Variants in RANBP17 observed in about 807,000 individuals in gnomAD.
RANBP17 encodes RAN binding protein 17.
RANBP17 carries 158 observed loss-of-function variants against 141.2 expected under a neutral mutation model. That is an observed-to-expected ratio of 1.12 (90% CI 0.98 to 1.28). The LOEUF (loss-of-function observed/expected upper bound fraction) is 1.28, where lower values mean the gene tolerates loss of function less well. RANBP17 is among the 50% of genes most tolerant of loss of function. The probability of loss-of-function intolerance (pLI) is 0.00; values close to 1 mark genes in which losing one functional copy is unlikely to be tolerated. For synonymous variants in RANBP17, 430 were observed against 450.0 expected (o/e 0.96, Z 0.56); for missense variants, 1,438 against 1,290.7 (o/e 1.11, Z -1.75).
chr5:171,024,108 G>C (rs1781074564), intron 14 of RANBP17, among the ~76,000 whole-genome samples: 1 of 152,086 alleles, frequency 6.6e-6, no homozygotes, highest in Admixed American at 6.5e-5. Context: ...TATAGGCTTG[G>C]TCTCTAGTGT....
chr5:170,995,627 G>A (rs1315830600), intron 14 of RANBP17, among the ~76,000 whole-genome samples: 3 of 152,102 alleles, frequency 2.0e-5, no homozygotes, highest in African/African-American at 7.2e-5. Context: ...GCCATATGAT[G>A]AAATATGAGG....
chr5:171,186,288 G>A (rs936013590), intron 18 of RANBP17, among the ~76,000 whole-genome samples: 1 of 152,156 alleles, frequency 6.6e-6, no homozygotes, highest in Admixed American at 6.5e-5. Context: ...TTTCATCAAT[G>A]GTCTTAGCTA....
chr5:170,917,054 A>G (rs1772036976), intron 9 of RANBP17, among the ~76,000 whole-genome samples: 1 of 152,144 alleles, frequency 6.6e-6, no homozygotes, highest in Non-Finnish European at 1.5e-5. Flanking sequence ...TAGTTTTTAA[A>G]AATGGATGTT....
chr5:171,238,027 T>C (rs529282134), intron 22 of RANBP17, among the ~76,000 whole-genome samples: 2 of 152,320 alleles, frequency 1.3e-5, no homozygotes, highest in Non-Finnish European at 2.9e-5. Flanking sequence ...ATGGATAACA[T>C]GGCCAAGCCT....
intron 14 of RANBP17, among the ~76,000 whole-genome samples, chr5:171,152,373 C>CGT: frequency 6.7e-6 from 1 of 150,084 alleles, no homozygotes. Flanking sequence ...GAGCTGAGAT[C>CGT]GCTATTGCAC....
intron 22 of RANBP17, among the ~76,000 whole-genome samples, chr5:171,223,495 C>T (rs527792079): frequency 3.3e-5 from 5 of 152,134 alleles, no homozygotes; most frequent in African/African-American, 9.6e-5. Context: ...ATTAGCCAGG[C>T]GTGGTGGCGG....
At chr5:171,263,786 G>A (rs545594179) in intron 24 of RANBP17, among the ~76,000 whole-genome samples, 151 of 152,252 alleles carry the variant, frequency 9.9e-4, no homozygotes, top group African/African-American at 3.3e-3. Context: ...TTTTAGCCTG[G>A]GCATGGTAGC....
intron 18 of RANBP17, among the ~76,000 whole-genome samples, chr5:171,187,431 C>CT (rs1212834623): frequency 6.6e-6 from 1 of 150,382 alleles, no homozygotes; most frequent in Non-Finnish European, 1.5e-5. Flanking sequence ...TGCCACAAAT[C>CT]TTTAATTTGT....
chr5:171,283,776 TAAACTC>T (rs1767996135), intron 25 of RANBP17, among the ~76,000 whole-genome samples: 1 of 152,216 alleles, frequency 6.6e-6, no homozygotes, highest in Admixed American at 6.5e-5. Context: ...TATTCAGTAA[TAAACTC>T]TAACTGAGGC....
intron 5 of RANBP17, chr5:170,896,905 G>T: frequency 1.6e-6 from 1 of 616,310 alleles, no homozygotes; most frequent in Non-Finnish European, 3.0e-6. Context: ...GCTCACAAGC[G>T]CCCCCAGCTG....
intron 9 of RANBP17, among the ~76,000 whole-genome samples, chr5:170,917,558 T>C (rs1045761056): frequency 8.5e-5 from 13 of 152,328 alleles, no homozygotes; most frequent in South Asian, 4.1e-4. Context: ...GGGTGACATA[T>C]ATCTTCAGTA....
chr5:171,282,222 G>A (rs1267687422), intron 25 of RANBP17, among the ~76,000 whole-genome samples: 4 of 152,128 alleles, frequency 2.6e-5, no homozygotes, highest in African/African-American at 9.7e-5. Flanking sequence ...GAAAATGAAG[G>A]TTGAACATCA....
At chr5:170,906,850 T>G (rs752553737) in intron 5 of RANBP17, among the ~76,000 whole-genome samples, 2 of 151,974 alleles carry the variant, frequency 1.3e-5, no homozygotes, top group Non-Finnish European at 2.9e-5. Flanking sequence ...CAAGACAGTC[T>G]AAGCTTTTCT....
chr5:171,063,772 C>T (rs1424120647), intron 14 of RANBP17, among the ~76,000 whole-genome samples: 1 of 152,220 alleles, frequency 6.6e-6, no homozygotes, highest in African/African-American at 2.4e-5. Flanking sequence ...AGAGGTGGAG[C>T]CTACAGAGGC....
intron 14 of RANBP17, chr5:171,029,083 G>GT (rs992887811): frequency 8.1e-6 from 3 of 368,346 alleles, no homozygotes; most frequent in African/African-American, 6.4e-5. Context: ...GTCAGCCTTA[G>GT]TTTTTTAAAA....
chr5:171,199,530 T>A (rs1289817557), intron 18 of RANBP17, 140 bp from the exon 19 acceptor site: 8 of 489,906 alleles, frequency 1.6e-5, no homozygotes, highest in Non-Finnish European at 2.9e-5. Context: ...TGAGCAAAAG[T>A]ACAAAATGTG....
chr5:171,113,550 A>C (rs1194374774), intron 14 of RANBP17, among the ~76,000 whole-genome samples: 1 of 152,166 alleles, frequency 6.6e-6, no homozygotes, highest in East Asian at 1.9e-4. Context: ...TAAATTATTT[A>C]ATTTATACAG....
chr5:171,257,344 T>C (rs1334164960), intron 24 of RANBP17, among the ~76,000 whole-genome samples: 1 of 152,156 alleles, frequency 6.6e-6, no homozygotes, highest in Non-Finnish European at 1.5e-5. Context: ...AGAAAAACCA[T>C]TTGATAAAAT....
intron 13 of RANBP17, among the ~76,000 whole-genome samples, chr5:170,957,650 G>T (rs1432787664): frequency 6.6e-6 from 1 of 152,098 alleles, no homozygotes; most frequent in African/African-American, 2.4e-5. Flanking sequence ...TCATACTGTT[G>T]TGCTTTTTGT....
Sources: gnomAD v4.1 joint callset for allele counts (sites outside exome capture counted in the v4.1 genomes callset) on GRCh38, gnomAD v4.1.1 for gene constraint, MANE v1.5 for transcripts, NCBI Gene and HGNC (gene_info 2026-07-23, HGNC 2026-07-21) for gene names.